The following GRTP1 variants were observed in gnomAD, a reference collection of about 807,000 sequenced individuals.
GRTP1 encodes growth hormone-regulated TBC protein 1.
GRTP1 carries 56 observed loss-of-function variants against 38.1 expected under a neutral mutation model. The ratio of observed to expected loss-of-function variants is 1.47; its 90% CI spans 1.19 to 1.84. GRTP1 has a LOEUF of 1.84. Ranked by LOEUF, GRTP1 falls within the 40% of genes most tolerant of loss-of-function variation. The pLI, the probability that GRTP1 is intolerant of heterozygous loss-of-function variation, is 0.00. For synonymous variants in GRTP1, 217 were observed against 189.5 expected, an observed-to-expected ratio of 1.14 and a Z score of -1.19; for missense variants, 506 against 453.9, an observed-to-expected ratio of 1.11 and a Z score of -1.04.
chr13:113,361,442 C>T (rs927190790), intron 2 of GRTP1: 1 of 152,108 alleles, frequency 6.6e-6, no homozygotes, highest in Non-Finnish European at 1.5e-5. Context: ...AGCTCCTGGT[C>T]GAAGAAAAGG....
At chr13:113,344,480 A>G (rs1166896048) in intron 5 of GRTP1, among the ~76,000 whole-genome samples, 3 of 152,178 alleles carry the variant, frequency 2.0e-5, no homozygotes, top group Non-Finnish European at 2.9e-5. Context: ...TTGGGAGGCC[A>G]AGGCGGGTGG....
intron 5 of GRTP1, among the ~76,000 whole-genome samples, chr13:113,331,989 C>A (rs2042877997): frequency 6.6e-6 from 1 of 151,152 alleles, no homozygotes; most frequent in East Asian, 2.0e-4. Context: ...GTATTTTGGG[C>A]CGGGTGCCAT....
chr13:113,346,369 G>C (rs1403605488), intron 4 of GRTP1, among the ~76,000 whole-genome samples: 1 of 9,644 alleles, frequency 1.0e-4, no homozygotes, highest in African/African-American at 3.7e-4. Flanking sequence ...GACCTCTGTG[G>C]CTGAGAGCGG....
intron 4 of GRTP1, 98 bp downstream of exon 4, chr13:113,350,751 G>A (rs574952643): frequency 1.7e-6 from 2 of 1,169,346 alleles, no homozygotes; most frequent in Non-Finnish European, 2.4e-6. Flanking sequence ...TCATGAACAG[G>A]GTTGACAGAG....
At chr13:113,328,240 C>T (rs925364996) in intron 5 of GRTP1, among the ~76,000 whole-genome samples, 3 of 152,218 alleles carry the variant, frequency 2.0e-5, no homozygotes, top group African/African-American at 7.2e-5. Flanking sequence ...GCATTCATCA[C>T]CGAGGCTCCG....
At chr13:113,350,719 A>G (rs1461129107) in intron 4 of GRTP1, 130 bp downstream of exon 4, 22 of 878,076 alleles carry the variant, frequency 2.5e-5, no homozygotes, top group Middle Eastern at 3.4e-4. Flanking sequence ...CCGAGCCTCA[A>G]TGGGGCATCA....
rs111789881 is a variant in GRTP1, at chr13:113,340,940, T to A, written c.562+3923A>T. On this transcript the variant is annotated intron_variant, in intron 5 of 7. Coordinates refer to ENST00000375431, the MANE Select transcript of GRTP1 (RefSeq NM_024719.4). ...AGTCAACTTCGTTAGGCTGTTTTTTTCTCAGAATTATCCATTTCTGTCTCT... is the reference window on the plus strand; with the variant it reads ...AGTCAACTTCGTTAGGCTGTTTTTTACTCAGAATTATCCATTTCTGTCTCT... Among the ~76,000 whole-genome samples, 487 of 152,342 alleles carry A rather than the reference T, an allele frequency of 3.2e-3. 4 individuals carry two copies. Among genetic ancestry groups the A allele is most frequent in the Non-Finnish European group, 5.5e-3 (377 of 68,036 alleles).
intron 5 of GRTP1, among the ~76,000 whole-genome samples, chr13:113,327,645 C>T (rs1179452308): frequency 2.0e-5 from 3 of 152,230 alleles, no homozygotes; most frequent in Admixed American, 6.5e-5. Context: ...AGTGAGCAAG[C>T]GCCAAGGATT....
chr13:113,337,183 A>G (rs548404601), intron 5 of GRTP1, among the ~76,000 whole-genome samples: 1 of 152,068 alleles, frequency 6.6e-6, no homozygotes, highest in African/African-American at 2.4e-5. Context: ...AGTCCCTGCT[A>G]GTTGGGAGGC....
In GRTP1 at chr13:113,325,970, C is replaced by T. The variant is rs568632697; in HGVS notation, c.684G>A (p.Leu228=). The T allele has an allele frequency of 6.2e-7, 1 of 1,613,820 alleles. No individual in the cohort carries two copies. The highest frequency in any genetic ancestry group is 8.5e-7 in the Non-Finnish European group (1 of 1,179,986). The change falls in exon 6 of 8, where the codon CTG becomes CTA. Residue 228 remains leucine, a synonymous_variant. Coordinates refer to ENST00000375431, the MANE Select transcript of GRTP1 (RefSeq NM_024719.4). ...GGCAGATGAACCAGCGGGACACCAGCAGCGTCCACAGCACACCGAGACGCT... is the reference window on the plus strand; with the variant it reads ...GGCAGATGAACCAGCGGGACACCAGTAGCGTCCACAGCACACCGAGACGCT... The part of the protein sequence containing the change: ...LMERLGVLWT[L]LVSRWFICLF...
At chr13:113,350,186 G>A (rs1265190202) in intron 4 of GRTP1, among the ~76,000 whole-genome samples, 2 of 152,150 alleles carry the variant, frequency 1.3e-5, no homozygotes, top group Non-Finnish European at 2.9e-5. Context: ...CAGGCTGGGA[G>A]ACTGCACGGC....
At chr13:113,352,016 C>CA (rs1475661229) in intron 3 of GRTP1, 3 of 151,520 alleles carry the variant, frequency 2.0e-5, no homozygotes, top group Non-Finnish European at 4.4e-5. Context: ...TCTTTGCTTA[C>CA]AAAAAACTAG....
chr13:113,355,228 C>T (rs1007279678), intron 3 of GRTP1, 95 bp downstream of exon 3: 24 of 1,279,322 alleles, frequency 1.9e-5, no homozygotes, highest in Non-Finnish European at 2.5e-5. Context: ...GCAGGCGCAC[C>T]GCTCACCCCT....
chr13:113,341,085 C>T (rs777452346), intron 5 of GRTP1, among the ~76,000 whole-genome samples: 10 of 150,348 alleles, frequency 6.7e-5, no homozygotes, highest in Non-Finnish European at 1.3e-4. Flanking sequence ...CTCACTCTGT[C>T]GCCCAGGCTG....
chr13:113,328,406 T>C (rs1363370191), intron 5 of GRTP1, among the ~76,000 whole-genome samples: 1 of 152,248 alleles, frequency 6.6e-6, no homozygotes, highest in African/African-American at 2.4e-5. Flanking sequence ...ATTTCCACTC[T>C]GCAGATCTTC....
At chr13:113,324,743 C>T (rs2042734012) in intron 7 of GRTP1, 166 bp from the exon 8 acceptor site, 8 of 1,408,382 alleles carry the variant, frequency 5.7e-6, no homozygotes, top group South Asian at 1.6e-5. Context: ...CTCACTCCTG[C>T]CCTGGGGCCT....
chr13:113,335,058 G>A lies in GRTP1; in HGVS notation c.563-8967C>T, dbSNP rs1223614582. On this transcript the variant is annotated intron_variant, in intron 5 of 7. Transcript: ENST00000375431. The stretch of plus-strand genomic sequence containing the variant: ...AGGATGGTCTCGATCTCCTGACCTC[G>A]CGATCCGCCTGCCTCAGCCTCCCAG... Among the ~76,000 whole-genome samples, 5 of 151,944 alleles carry A rather than the reference G, an allele frequency of 3.3e-5. No individual in the cohort carries two copies. In the East Asian group the frequency reaches 9.9e-4, roughly 30 times the overall value.
At chr13:113,337,451 C>CAA (rs2042968747) in intron 5 of GRTP1, among the ~76,000 whole-genome samples, 1 of 152,200 alleles carries the variant, frequency 6.6e-6, no homozygotes, top group African/African-American at 2.4e-5. Context: ...TAAACTTTAT[C>CAA]TGCTATAACT....
At chr13:113,338,691 C>T (rs1305625840) in intron 5 of GRTP1, among the ~76,000 whole-genome samples, 1 of 152,200 alleles carries the variant, frequency 6.6e-6, no homozygotes, top group African/African-American at 2.4e-5. Context: ...TGCCCCACGG[C>T]AGGGAGCTTT....
Sources: allele counts gnomAD v4.1 joint callset (sites outside exome capture counted in the v4.1 genomes callset), GRCh38; gene constraint gnomAD v4.1.1; transcripts MANE v1.5; gene names NCBI Gene and HGNC (gene_info 2026-07-23, HGNC 2026-07-21).